KRT1: variants seen among roughly 807,000 people sequenced by gnomAD.
The protein encoded by KRT1 is keratin, type II cytoskeletal 1.
Under a neutral mutation model 51.6 loss-of-function variants are expected in KRT1, and 28 were observed. The observed-to-expected ratio is 0.54, with a 90% CI of 0.40 to 0.74. The LOEUF is 0.74. Ranked by LOEUF, KRT1 falls within the 30% of genes least tolerant of loss-of-function variation. KRT1 has a pLI of 0.00. For synonymous variants in KRT1, 301 were observed against 307.7 expected (o/e 0.98, Z 0.23); for missense variants, 783 against 815.5 (o/e 0.96, Z 0.49).
rs187779735 is a variant in KRT1 at position 52,679,232 on chromosome 12, G to A, written c.592-476C>T. Among the ~76,000 whole-genome samples the A allele has an allele frequency of 2.5e-3, 381 of 152,148 alleles. 9 individuals carry two copies. The highest frequency in any genetic ancestry group is 0.023 in the Admixed American group (349 of 15,284). ...TCTGAGTTTTTTAGAGCTGATTTTT[G>A]GAGATATTAGTATAAAAAAACTCTA... On this transcript the variant is annotated intron_variant, in intron 1 of 8. Coordinates refer to ENST00000252244, the MANE Select transcript of KRT1 (RefSeq NM_006121.4).
At position 52,675,363 on chromosome 12, in the gene KRT1, C is replaced by T. The variant is rs1292983277; in HGVS notation, c.1765G>A (p.Gly589Ser). ...GSGSSSGGYRGGSGGGGGGSS... is the reference protein window; with the variant it reads ...GSGSSSGGYRSGSGGGGGGSS... ...CCGCCGCCGCCGCCTCCAGAGCCACCTCTGTAGCCCCCACTGCTGCTTCCG... is the reference window on the plus strand; with the variant it reads ...CCGCCGCCGCCGCCTCCAGAGCCACTTCTGTAGCCCCCACTGCTGCTTCCG... The change falls in exon 9 of 9, where the codon GGT (glycine) becomes AGT (serine). Residue 589 changes from glycine to serine, a missense_variant. By Grantham distance (56) the Gly-to-Ser change is moderately conservative. Transcript: ENST00000252244. 2 of 1,609,060 alleles carry T rather than the reference C, an allele frequency of 1.2e-6. No homozygotes were observed. The highest frequency in any genetic ancestry group is 8.5e-7 in the Non-Finnish European group (1 of 1,178,866).
At chr12:52,677,779 C>G in intron 3 of KRT1, 34 bp from the exon 4 acceptor site, 1 of 1,565,704 alleles carries the variant, frequency 6.4e-7, no homozygotes, top group Non-Finnish European at 8.8e-7. Flanking sequence ...AAGGCACATT[C>G]TCTCCAGGGC....
At position 52,675,155 on chromosome 12, in the gene KRT1, G is replaced by C. The variant is rs762734951; in HGVS notation, c.*38C>G. The C allele has an allele frequency of 6.2e-7, 1 of 1,609,304 alleles. No homozygotes were observed. Among genetic ancestry groups the C allele is most frequent in the Non-Finnish European group, 8.5e-7 (1 of 1,177,112 alleles). On this transcript the variant is annotated 3_prime_UTR_variant, in exon 9 of 9. Transcript: ENST00000252244. ...GCCAAGCATATTTGTTAGTGATGCT[G>C]GGGGAGAACTAGAGCTAATGAAACA...
In KRT1 at chr12:52,680,044, C is replaced by T. The variant is rs756115415; in HGVS notation, c.305G>A (p.Gly102Asp). 6.4e-7 allele frequency: 1 copy of T among 1,556,844 alleles called. No individual in the cohort carries two copies. The highest frequency in any genetic ancestry group is 2.4e-5 in the East Asian group (1 of 41,046). ...GGYGGGGFGG[G>D]GFGGGGFGGG... ...ACCAAAGCCACCACCACCAAAGCCA[C>T]CACCACCAAAGCCACCACCACCATA... Residue 102 changes from glycine (G) to aspartate (D), a missense_variant, in exon 1 of 9, where the codon GGT (glycine) becomes GAT (aspartate). By Grantham distance (94) the Gly-to-Asp change is moderately conservative (BLOSUM62 -1). Transcript: ENST00000252244.
Position 52,675,290 on chromosome 12 carries a change from A to G in KRT1, c.1838T>C (p.Ile613Thr), listed in dbSNP as rs536813177. 1.9e-6 allele frequency: 3 copies of G among 1,613,158 alleles called. No homozygotes were observed. The highest frequency in any genetic ancestry group is 2.7e-5 in the African/African-American group (2 of 74,890). The stretch of plus-strand genomic sequence containing the variant: ...CCCAGAGCTGGATCCCCGGCCTCCT[A>G]TGGAGCCTCCAGAGCTCCCGCCGCC... Reference protein sequence around the residue: ...GSGGGSSGGSIGGRGSSSGGV... With the variant: ...GSGGGSSGGSTGGRGSSSGGV... Residue 613 changes from isoleucine to threonine, a missense_variant, in exon 9 of 9, where the codon ATA (isoleucine) becomes ACA (threonine). Physicochemically the swap from Ile to Thr is moderately conservative, Grantham distance 89 (BLOSUM62 -1). Transcript: ENST00000252244.
rs781403016 is a variant in KRT1 at position 52,680,001 on chromosome 12, AC to A, written c.347del (p.Gly116ValfsTer61). On this transcript the variant is annotated frameshift_variant, in exon 1 of 9. Transcript: ENST00000252244. LOFTEE classifies it high-confidence loss of function. ...GGGFGGGGIG[G>X]GGFGGFGSGG... ...CACTGCCAAAACCACCAAAGCCACC[AC>A]CCCCAATGCCACCTCCACCAAAGCC... 3 of 1,581,026 alleles carry A rather than the reference AC, an allele frequency of 1.9e-6. No homozygotes were observed. Among genetic ancestry groups the A allele is most frequent in the Non-Finnish European group, 1.7e-6 (2 of 1,163,248 alleles).
At position 52,677,490 on chromosome 12, in the gene KRT1, A is replaced by G. The variant is rs1341940038; in HGVS notation, c.964-10T>C. On this transcript the variant is annotated splice_polypyrimidine_tract_variant and intron_variant, in intron 4 of 8. Transcript: ENST00000252244. ...GCATCTGAGACAACTCCTGCAAGAC[A>G]TAATAGGTTAGTGACTCTTACAGCA... The G allele has an allele frequency of 6.2e-7, 1 of 1,614,254 alleles. No individual in the cohort carries two copies. Among genetic ancestry groups the G allele is most frequent in the Non-Finnish European group, 8.5e-7 (1 of 1,180,042 alleles).
chr12:52,676,520 C>T, intron 6 of KRT1, 25 bp from the exon 7 acceptor site: 2 of 1,610,142 alleles, frequency 1.2e-6, no homozygotes, highest in Non-Finnish European at 8.5e-7. Flanking sequence ...GACACCCTCT[C>T]ATAATATGCA....
At chr12:52,677,778 T>C (rs1941533417) in intron 3 of KRT1, 33 bp from the exon 4 acceptor site, 2 of 1,568,822 alleles carry the variant, frequency 1.3e-6, no homozygotes, top group Admixed American at 3.3e-5. Flanking sequence ...GAAGGCACAT[T>C]CTCTCCAGGG....
rs1210098342 is a variant in KRT1, at chr12:52,677,328, C to T, written c.1116G>A (p.Leu372=). ...AQKSKAEAES[L]YQSKYEELQI... The stretch of plus-strand genomic sequence containing the variant: ...TCAGCCCACTCACCTTGCTCTGGTA[C>T]AAGGACTCGGCCTCAGCTTTGCTCT... Residue 372 remains leucine (L), a synonymous_variant, in exon 5 of 9, where the codon TTG becomes TTA. Transcript: ENST00000252244. 5.0e-6 allele frequency: 8 copies of T among 1,614,230 alleles called. No homozygotes were observed. In the Middle Eastern group the frequency reaches 6.6e-4, roughly 133 times the overall value.
chr12:52,676,961 G>A, intron 6 of KRT1, 98 bp downstream of exon 6: 1 of 1,474,410 alleles, frequency 6.8e-7, no homozygotes, highest in Non-Finnish European at 9.4e-7. Context: ...GTAGCCTTGG[G>A]ATGAATTGCA....
Position 52,677,308 on chromosome 12 carries a change from C to A in KRT1, c.1128+8G>T. 4 of 1,614,206 alleles carry A rather than the reference C, an allele frequency of 2.5e-6. No homozygotes were observed. The highest frequency in any genetic ancestry group is 1.1e-5 in the South Asian group (1 of 91,080). On this transcript the variant is annotated splice_region_variant and intron_variant, in intron 5 of 8. Coordinates refer to ENST00000252244, the MANE Select transcript of KRT1 (RefSeq NM_006121.4). ...CAGGGAAACTGGCTAGGCTTTCAGC[C>A]CACTCACCTTGCTCTGGTACAAGGA...
Position 52,677,412 on chromosome 12 carries a change from A to ACTG in KRT1, c.1029_1031dup (p.Ser344dup). 2 of 1,614,202 alleles carry ACTG rather than the reference A, an allele frequency of 1.2e-6. No homozygotes were observed. Among genetic ancestry groups the ACTG allele is most frequent in the Non-Finnish European group, 1.7e-6 (2 of 1,180,034 alleles). ...CAGCAATGATGCTGTCCAGGTCGAG[A>ACTG]CTGCGGTTGTTGTCCATAGAGAGGA... On this transcript the variant is annotated inframe_insertion, in exon 5 of 9. Transcript: ENST00000252244.
chr12:52,676,104 T>A (rs1259512002), intron 7 of KRT1, among the ~76,000 whole-genome samples, 171 bp downstream of exon 7: 1 of 152,174 alleles, frequency 6.6e-6, no homozygotes, highest in Non-Finnish European at 1.5e-5. Context: ...ATAAACAGCT[T>A]GGGACTCCAG....
Position 52,679,779 on chromosome 12 carries a change from T to C in KRT1, c.570A>G (p.Gln190=), listed in dbSNP as rs1224110071. 1.5e-5 allele frequency: 24 copies of C among 1,613,972 alleles called. No homozygotes were observed. Among genetic ancestry groups the C allele is most frequent in the Non-Finnish European group, 1.8e-5 (21 of 1,180,016 alleles). Residue 190 remains glutamine (Q), a synonymous_variant, in exon 1 of 9, where the codon CAA becomes CAG. Transcript: ENST00000252244. ...TCACCTTGTCAATGAAGGAGGCAAA[T>C]TGGTTGTTGAGTGACTTGATTTGCT... is the stretch of plus-strand genomic sequence containing the variant. The part of the protein sequence containing the change: ...EREQIKSLNN[Q]FASFIDKVRF...
rs1218685660 is a variant in KRT1 at position 52,676,495 on chromosome 12, T to G, written c.1255A>C (p.Ile419Leu). The G allele has an allele frequency of 6.2e-7, 1 of 1,614,068 alleles. No homozygotes were observed. The highest frequency in any genetic ancestry group is 1.1e-5 in the South Asian group (1 of 91,074). Reference protein sequence around the residue: ...RSEIDNVKKQISNLQQSISDA... With the variant: ...RSEIDNVKKQLSNLQQSISDA... ...CTGATGGACTGCTGCAAGTTGGAGA[T>G]CTGAAAAAGAATATGACACCCTCTC... The change falls in exon 7 of 9, where the codon ATC (isoleucine) becomes CTC (leucine). Residue 419 changes from isoleucine (I) to leucine (L), a missense_variant and splice_region_variant. Physicochemically the swap from Ile to Leu is conservative, Grantham distance 5. Transcript: ENST00000252244.
Position 52,675,141 on chromosome 12 carries a change from T to G in KRT1, c.*52A>C, listed in dbSNP as rs1293793982. ...TCGACCTCGGTCTTGCCAAGCATAT[T>G]TGTTAGTGATGCTGGGGGAGAACTA... On this transcript the variant is annotated 3_prime_UTR_variant, in exon 9 of 9. Coordinates refer to ENST00000252244, the MANE Select transcript of KRT1 (RefSeq NM_006121.4). 4.4e-6 allele frequency: 7 copies of G among 1,605,818 alleles called. No homozygotes were observed. In the Admixed American group the frequency reaches 5.0e-5, roughly 11 times the overall value.
At position 52,680,072 on chromosome 12, in the gene KRT1, C is replaced by A. The variant is rs1307814081; in HGVS notation, c.277G>T (p.Gly93Cys). 3.9e-6 allele frequency: 6 copies of A among 1,555,482 alleles called. No homozygotes were observed. Among genetic ancestry groups the A allele is most frequent in the Non-Finnish European group, 4.4e-6 (5 of 1,149,278 alleles). ...GGGRGSGFGG[G>C]YGGGGFGGGG... ...CCACCAAAGCCACCACCACCATAAC[C>A]ACCACCAAAGCCACTACCACGTCCA... Residue 93 changes from glycine to cysteine, a missense_variant, in exon 1 of 9, where the codon GGT becomes TGT. Physicochemically the swap from Gly to Cys is radical, Grantham distance 159 (BLOSUM62 -3). Transcript: ENST00000252244.
At chr12:52,676,253 A>G (rs751653119) in intron 7 of KRT1, 22 bp downstream of exon 7, 2 of 1,590,014 alleles carry the variant, frequency 1.3e-6, no homozygotes, top group Non-Finnish European at 1.7e-6. Flanking sequence ...AAGAGGTTCG[A>G]CTCCCAGCGT....
Sources: allele counts gnomAD v4.1 joint callset (sites outside exome capture counted in the v4.1 genomes callset), GRCh38; gene constraint gnomAD v4.1.1; transcripts MANE v1.5; gene names NCBI Gene and HGNC (gene_info 2026-07-23, HGNC 2026-07-21).